Variants in LHX3 observed in about 807,000 individuals in gnomAD.
The protein encoded by LHX3 is LIM homeobox 3.
LHX3 carries 21 observed loss-of-function variants against 32.4 expected under a neutral mutation model. The ratio of observed to expected loss-of-function variants is 0.65; its 90% CI spans 0.46 to 0.93. LHX3 has a LOEUF of 0.93. Among genes scored for constraint, LHX3 ranks in the 40% least tolerant of loss-of-function variants. The pLI, the probability that LHX3 is intolerant of heterozygous loss-of-function variation, is 0.00. For synonymous variants in LHX3, 258 were observed against 246.8 expected (o/e 1.05, Z -0.43); for missense variants, 626 against 560.0 (o/e 1.12, Z -1.19).
Position 136,201,512 on chromosome 9 carries a change from G to A in LHX3, c.80-759C>T, listed in dbSNP as rs544728377. ...CAAGGGTGCCCTGTGGGAGCCTCGA[G>A]TCTGTGAGCGGGTTTTCCAGGTGTC... On this transcript the variant is annotated intron_variant, in intron 1 of 5. Coordinates refer to ENST00000371748, the MANE Select transcript of LHX3 (RefSeq NM_178138.6). The A allele has an allele frequency of 6.0e-6, 7 of 1,166,690 alleles. No homozygotes were observed. In the South Asian group the frequency reaches 1.7e-4, roughly 29 times the overall value. The allele number at this position is 1,166,690 out of a possible 1,614,324, so 72.3% of individuals were successfully genotyped here. A position where few individuals can be genotyped will look rare whatever the true frequency, so the allele number is the denominator to read the frequency against.
intron 3 of LHX3, 26 bp downstream of exon 3, chr9:136,199,652 G>T: frequency 6.2e-7 from 1 of 1,611,032 alleles, no homozygotes; most frequent in Non-Finnish European, 8.5e-7. Context: ...ACCAGGAAAG[G>T]TGGGAGCGTC....
At chr9:136,201,181 C>T (rs1308248731) in intron 1 of LHX3, 1 of 1,357,458 alleles carries the variant, frequency 7.4e-7, no homozygotes, top group Non-Finnish European at 9.4e-7. Flanking sequence ...CTGGGGCACC[C>T]CATCGGGTCT....
intron 2 of LHX3, chr9:136,200,172 C>T (rs894678878): frequency 9.4e-5 from 54 of 573,336 alleles, no homozygotes; most frequent in Non-Finnish European, 1.6e-4. Context: ...GGGCCAGTCC[C>T]TCACACCCCA....
At chr9:136,199,363 C>G (rs1293094498) in intron 3 of LHX3, among the ~76,000 whole-genome samples, 1 of 152,162 alleles carries the variant, frequency 6.6e-6, no homozygotes, top group Non-Finnish European at 1.5e-5. Flanking sequence ...TCCAAGCACC[C>G]TGATTTCCCC....
At chr9:136,200,029 C>T (rs1831602385) in intron 2 of LHX3, 149 bp from the exon 3 acceptor site, 5 of 801,596 alleles carry the variant, frequency 6.2e-6, no homozygotes, top group South Asian at 4.4e-5. Context: ...GCCTGGCCGC[C>T]GGGGCAGAGC....
At chr9:136,201,943 G>A (rs948509411) in intron 1 of LHX3, among the ~76,000 whole-genome samples, 1 of 151,944 alleles carries the variant, frequency 6.6e-6, no homozygotes, top group Non-Finnish European at 1.5e-5. Flanking sequence ...CGCCTCGGCC[G>A]CAGCTCGCCG....
Position 136,204,981 on chromosome 9 carries a change from C to T in LHX3, c.32G>A (p.Arg11Gln). The T allele has an allele frequency of 2.5e-6, 4 of 1,593,212 alleles. No individual in the cohort carries two copies. Among genetic ancestry groups the T allele is most frequent in the Admixed American group, 1.7e-5 (1 of 58,964 alleles). The change falls in exon 1 of 6, where the codon CGA (arginine) becomes CAA (glutamine). Residue 11 changes from arginine (R) to glutamine (Q), a missense_variant. Transcript: ENST00000371748. MLLETGLERD[R>Q]ARPGAAAVCT... ...GACGGCGGCGGCCCCGGGCCTCGCT[C>T]GGTCGCGCTCGAGCCCCGTTTCCAG...
Position 136,197,290 on chromosome 9 carries a change from C to T in LHX3, c.*35G>A. On this transcript the variant is annotated 3_prime_UTR_variant, in exon 6 of 6. Coordinates refer to ENST00000371748, the MANE Select transcript of LHX3 (RefSeq NM_178138.6). ...CGAGCCGCCCACCCAGGGGCAGCTC[C>T]CTCGTGTGAGGTGCAGGGTGGAGCC... The T allele has an allele frequency of 4.4e-6, 7 of 1,609,048 alleles. No homozygotes were observed. Among genetic ancestry groups the T allele is most frequent in the Non-Finnish European group, 5.9e-6 (7 of 1,178,516 alleles).
At chr9:136,198,619 T>TCA (rs1554754497) in intron 5 of LHX3, 33 bp downstream of exon 5, 11 of 1,519,252 alleles carry the variant, frequency 7.2e-6, no homozygotes, top group African/African-American at 1.4e-5. Flanking sequence ...CGCGCGCTCG[T>TCA]CCCCCCCCGA....
In LHX3 at chr9:136,197,336, C is replaced by T. The variant is rs762627765; in HGVS notation, c.1183G>A (p.Ala395Thr). 1.9e-6 allele frequency: 3 copies of T among 1,611,812 alleles called. No homozygotes were observed. The East Asian group carries it at 6.7e-5, about 36-fold the overall frequency. The change falls in exon 6 of 6, where the codon GCT (alanine) becomes ACT (threonine). Residue 395 changes from alanine (A) to threonine (T), a missense_variant. Ala to Thr is a moderately conservative substitution (Grantham distance 58). Coordinates refer to ENST00000371748, the MANE Select transcript of LHX3 (RefSeq NM_178138.6). ...GAGCCGGGCCTGGGTCAGAACTGAGCGTGGTCTACCTCATCCAGCCAGGAG... is the reference window on the plus strand; with the variant it reads ...GAGCCGGGCCTGGGTCAGAACTGAGTGTGGTCTACCTCATCCAGCCAGGAG... ...PASWLDEVDH[A>T]QF
intron 1 of LHX3, chr9:136,203,018 C>A: frequency 6.6e-7 from 1 of 1,522,172 alleles, no homozygotes; most frequent in Non-Finnish European, 8.8e-7. Flanking sequence ...CGGGCCGGGC[C>A]CAGCTCCCCG....
Position 136,198,970 on chromosome 9 carries a change from G to T in LHX3, c.544C>A (p.Pro182Thr). The T allele has an allele frequency of 6.3e-7, 1 of 1,590,612 alleles. No homozygotes were observed. Among genetic ancestry groups the T allele is most frequent in the Non-Finnish European group, 8.5e-7 (1 of 1,172,480 alleles). The stretch of plus-strand genomic sequence containing the variant: ...AGCTGCTCGCGCACGTGGCGCGCCG[G>T]CTTGGGCGAGGTGTTGTAAGCGCTC... ...LKSAYNTSPK[P>T]ARHVREQLSS... Residue 182 changes from proline (P) to threonine (T), a missense_variant, in exon 4 of 6, where the codon CCG (proline) becomes ACG (threonine). Pro to Thr is a conservative substitution (Grantham distance 38). Transcript: ENST00000371748.
chr9:136,201,010 C>A (rs548506249), intron 1 of LHX3, among the ~76,000 whole-genome samples: 1 of 152,340 alleles, frequency 6.6e-6, no homozygotes, highest in South Asian at 2.1e-4. Flanking sequence ...AGCAAGAAAG[C>A]AGCCCAGGCC....
chr9:136,201,732 G>C, intron 1 of LHX3: 2 of 980,370 alleles, frequency 2.0e-6, no homozygotes, highest in Non-Finnish European at 2.4e-6. Flanking sequence ...ACTGGGCTGC[G>C]CCTCCCCACG....
chr9:136,203,068 C>A, intron 1 of LHX3: 1 of 1,512,594 alleles, frequency 6.6e-7, no homozygotes, highest in Non-Finnish European at 8.8e-7. Flanking sequence ...TCGCCACTCT[C>A]CAGTCCCGAA....
chr9:136,204,665 G>T (rs967128687), intron 1 of LHX3, among the ~76,000 whole-genome samples: 2 of 152,178 alleles, frequency 1.3e-5, no homozygotes, highest in Admixed American at 1.3e-4. Context: ...CCCTTGGTCG[G>T]CCCCATCGCC....
In LHX3 at chr9:136,198,721, C is replaced by T; in HGVS notation, c.706G>A (p.Gly236Ser). Residue 236 changes from glycine to serine, a missense_variant, in exon 5 of 6, where the codon GGC (glycine) becomes AGC (serine). Coordinates refer to ENST00000371748, the MANE Select transcript of LHX3 (RefSeq NM_178138.6). ...CTGTCCTTGTCCGACTTGGAGCCGC[C>T]GCGGGAGCGCTTCATGTTGCGGAAA... ...QYFRNMKRSR[G>S]GSKSDKDSVQ... 3 of 1,611,544 alleles carry T rather than the reference C, an allele frequency of 1.9e-6. No individual in the cohort carries two copies. Among genetic ancestry groups the T allele is most frequent in the Non-Finnish European group, 2.5e-6 (3 of 1,179,802 alleles).
At chr9:136,200,322 A>C in intron 2 of LHX3, 1 of 574,338 alleles carries the variant, frequency 1.7e-6, no homozygotes, top group Non-Finnish European at 3.1e-6. Flanking sequence ...TGCTTCTGTG[A>C]TTTAGGTAAT....
intron 3 of LHX3, among the ~76,000 whole-genome samples, chr9:136,199,465 G>C (rs1434429580): frequency 6.6e-6 from 1 of 152,252 alleles, no homozygotes; most frequent in Non-Finnish European, 1.5e-5. Context: ...GCGAAAAGCC[G>C]CACACTTCGG....
Sources: gnomAD v4.1 joint callset for allele counts (sites outside exome capture counted in the v4.1 genomes callset) on GRCh38, gnomAD v4.1.1 for gene constraint, MANE v1.5 for transcripts, NCBI Gene and HGNC (gene_info 2026-07-23, HGNC 2026-07-21) for gene names.